The following DNAJC6 variants were observed in gnomAD, a reference collection of about 807,000 sequenced individuals.
DNAJC6 encodes auxilin.
Under a neutral mutation model 110.0 loss-of-function variants are expected in DNAJC6, and 34 were observed. The ratio of observed to expected loss-of-function variants is 0.31; its 90% confidence interval spans 0.24 to 0.41. DNAJC6 has a LOEUF of 0.41. DNAJC6 is among the 10% of genes least tolerant of loss of function. DNAJC6 has a pLI of 1.00. For synonymous variants in DNAJC6, 406 were observed against 437.2 expected, an observed-to-expected ratio of 0.93 and a Z score of 0.89; for missense variants, 1,031 against 1,207.8, an observed-to-expected ratio of 0.85 and a Z score of 2.17.
intron 1 of DNAJC6, among the ~76,000 whole-genome samples, chr1:65,275,923 G>T: frequency 7.0e-6 from 1 of 143,086 alleles, no homozygotes; most frequent in Non-Finnish European, 1.5e-5. Flanking sequence ...TTGAGACAGA[G>T]TCTCCCTCTG....
At chr1:65,398,945 T>A in intron 14 of DNAJC6, 64 bp downstream of exon 14, 2 of 1,523,902 alleles carry the variant, frequency 1.3e-6, no homozygotes, top group Non-Finnish European at 1.8e-6. Context: ...TTACCCAAGA[T>A]GAAGTGAGTA....
chr1:65,314,120 T>C (rs1278409540), intron 1 of DNAJC6, among the ~76,000 whole-genome samples: 1 of 151,992 alleles, frequency 6.6e-6, no homozygotes, highest in Non-Finnish European at 1.5e-5. Flanking sequence ...AGGATTTCTC[T>C]TTTGATTCTC....
chr1:65,316,501 G>GTAAAGT (rs1350414719), intron 1 of DNAJC6, among the ~76,000 whole-genome samples: 1 of 152,160 alleles, frequency 6.6e-6, no homozygotes, highest in Non-Finnish European at 1.5e-5. Flanking sequence ...TAGTCTGTAA[G>GTAAAGT]TAAAGTTCAG....
At chr1:65,267,966 A>G (rs542634234) in intron 1 of DNAJC6, among the ~76,000 whole-genome samples, 2 of 152,020 alleles carry the variant, frequency 1.3e-5, no homozygotes, top group Non-Finnish European at 2.9e-5. Flanking sequence ...CCAAATTACC[A>G]GTTGGTGTCC....
intron 1 of DNAJC6, among the ~76,000 whole-genome samples, chr1:65,338,627 T>C (rs926088877): frequency 3.3e-5 from 5 of 152,214 alleles, no homozygotes; most frequent in Non-Finnish European, 5.9e-5. Context: ...CTGCCCCCTC[T>C]ACCCTGTTCC....
At chr1:65,402,254 A>G (rs1355641998) in intron 15 of DNAJC6, among the ~76,000 whole-genome samples, 1 of 152,218 alleles carries the variant, frequency 6.6e-6, no homozygotes, top group Admixed American at 6.5e-5. Context: ...CTTGCAGAAC[A>G]CTAACTGTGA....
chr1:65,387,048 A>T, intron 8 of DNAJC6, 119 bp downstream of exon 8: 1 of 856,622 alleles, frequency 1.2e-6, no homozygotes, highest in South Asian at 1.6e-5. Context: ...AATGAAAAAG[A>T]GCGTTTAAAG....
At chr1:65,339,818 C>G (rs996841863) in intron 1 of DNAJC6, among the ~76,000 whole-genome samples, 8 of 152,284 alleles carry the variant, frequency 5.3e-5, no homozygotes, top group Admixed American at 3.9e-4. Flanking sequence ...TCCCTCACCC[C>G]TGGGCTTCTG....
chr1:65,365,808 G>A, intron 2 of DNAJC6, 77 bp from the exon 3 acceptor site: 1 of 1,518,316 alleles, frequency 6.6e-7, no homozygotes, highest in Non-Finnish European at 9.0e-7. Context: ...CAGTTCATAT[G>A]CGCAAGTGAT....
At chr1:65,301,197 T>A (rs1189762043) in intron 1 of DNAJC6, among the ~76,000 whole-genome samples, 2 of 152,226 alleles carry the variant, frequency 1.3e-5, no homozygotes, top group Non-Finnish European at 2.9e-5. Context: ...GATGCTTCCA[T>A]GAGTTGCTCT....
intron 5 of DNAJC6, among the ~76,000 whole-genome samples, chr1:65,382,834 A>G (rs914235077): frequency 1.3e-5 from 2 of 152,238 alleles, no homozygotes; most frequent in Non-Finnish European, 2.9e-5. Flanking sequence ...TTGTCATTTT[A>G]AAACTTGAAT....
intron 1 of DNAJC6, among the ~76,000 whole-genome samples, chr1:65,354,351 AC>A (rs1645521972): frequency 6.6e-6 from 1 of 152,094 alleles, no homozygotes; most frequent in Admixed American, 6.5e-5. Context: ...CTTCACCAAA[AC>A]CTCAGTTTCC....
chr1:65,395,322 TATG>T (rs1645966537), intron 13 of DNAJC6, among the ~76,000 whole-genome samples: 2 of 152,110 alleles, frequency 1.3e-5, no homozygotes, highest in African/African-American at 2.4e-5. Context: ...TTGTAGGACA[TATG>T]ATTATTTTAT....
At chr1:65,381,481 G>A (rs1467447219) in intron 5 of DNAJC6, among the ~76,000 whole-genome samples, 14 of 151,550 alleles carry the variant, frequency 9.2e-5, no homozygotes, top group East Asian at 2.0e-4. Flanking sequence ...CCTGGGAGGC[G>A]GAGGTTGCAG....
Position 65,342,349 on chromosome 1 carries a change from T to C in DNAJC6, c.194-22286T>C, listed in dbSNP as rs147217153. ...CCTTTGGGAGGTGATTAGGTTGTGATGGCAGAGCCATCGTGAACGAGATTA... is the reference window on the plus strand; with the variant it reads ...CCTTTGGGAGGTGATTAGGTTGTGACGGCAGAGCCATCGTGAACGAGATTA... On this transcript the variant is annotated intron_variant, in intron 1 of 18. Coordinates refer to ENST00000371069, the MANE Select transcript of DNAJC6 (RefSeq NM_001256864.2). Among the ~76,000 whole-genome samples, 745 of 152,280 alleles carry C rather than the reference T, an allele frequency of 4.9e-3. 3 individuals are homozygous for C. Among genetic ancestry groups the C allele is most frequent in the African/African-American group, 0.017 (716 of 41,568 alleles).
chr1:65,410,944 C>T (rs530568957), intron 17 of DNAJC6, among the ~76,000 whole-genome samples: 2 of 152,180 alleles, frequency 1.3e-5, no homozygotes, highest in South Asian at 4.2e-4. Flanking sequence ...CAGTATCTAC[C>T]CTCATGGAGT....
At chr1:65,368,984 G>C (rs1026890798) in intron 4 of DNAJC6, among the ~76,000 whole-genome samples, 1 of 151,926 alleles carries the variant, frequency 6.6e-6, no homozygotes, top group Non-Finnish European at 1.5e-5. Flanking sequence ...TGGCCAGGCT[G>C]GTCTTGAACT....
chr1:65,367,023 G>A (rs1645653137), intron 4 of DNAJC6, among the ~76,000 whole-genome samples: 1 of 152,156 alleles, frequency 6.6e-6, no homozygotes, highest in Non-Finnish European at 1.5e-5. Context: ...CTGGGCCTCA[G>A]TTTCCAGATC....
At chr1:65,295,908 T>C (rs1202035067) in intron 1 of DNAJC6, among the ~76,000 whole-genome samples, 1 of 152,216 alleles carries the variant, frequency 6.6e-6, no homozygotes, top group African/African-American at 2.4e-5. Context: ...CTTATGGAAT[T>C]GAAAACCAAC....
Sources: gnomAD v4.1 joint callset for allele counts (sites outside exome capture counted in the v4.1 genomes callset) on GRCh38, gnomAD v4.1.1 for gene constraint, MANE v1.5 for transcripts, NCBI Gene and HGNC (gene_info 2026-07-23, HGNC 2026-07-21) for gene names.